Variants in MYH10 observed in about 807,000 individuals in gnomAD.
The protein encoded by MYH10 is myosin heavy chain 10.
In MYH10, 55 loss-of-function variants were observed where a neutral mutation model predicts 257.8. The ratio of observed to expected loss-of-function variants is 0.21; its 90% CI spans 0.17 to 0.27. The LOEUF is 0.27. Ranked by LOEUF, MYH10 falls within the 10% of genes least tolerant of loss-of-function variation. MYH10 has a pLI of 1.00. For synonymous variants in MYH10, 854 were observed against 921.7 expected (o/e 0.93, Z 1.33); for missense variants, 1,631 against 2,500.6 (o/e 0.65, Z 7.42).
intron 9 of MYH10, among the ~76,000 whole-genome samples, chr17:8,551,173 A>G (rs2082633059): frequency 6.6e-6 from 1 of 151,698 alleles, no homozygotes; most frequent in African/African-American, 2.4e-5. Context: ...AAAAAAAAAA[A>G]AAAGAATTTA....
At chr17:8,527,849 A>C (rs528460712) in intron 17 of MYH10, among the ~76,000 whole-genome samples, 1 of 152,208 alleles carries the variant, frequency 6.6e-6, no homozygotes, top group Non-Finnish European at 1.5e-5. Flanking sequence ...GCTAACACTC[A>C]AGATCAAAAA....
intron 41 of MYH10, 153 bp downstream of exon 41, chr17:8,478,179 GGGTACT>G (rs1415966885): frequency 4.7e-6 from 3 of 641,770 alleles, no homozygotes; most frequent in Admixed American, 2.7e-5. Flanking sequence ...CCTGTGTCTC[GGGTACT>G]GGGAGTGCCC....
At chr17:8,597,119 G>A in intron 3 of MYH10, among the ~76,000 whole-genome samples, 1 of 151,986 alleles carries the variant, frequency 6.6e-6, no homozygotes, top group East Asian at 1.9e-4. Context: ...TCCCCAAAAT[G>A]GGAAAAATAC....
chr17:8,518,996 G>A (rs773180940), intron 19 of MYH10, 46 bp from the exon 20 acceptor site: 3 of 1,430,772 alleles, frequency 2.1e-6, no homozygotes, highest in Non-Finnish European at 2.9e-6. Flanking sequence ...ATTTGTGAAC[G>A]ATGTGTATCT....
intron 1 of MYH10, among the ~76,000 whole-genome samples, chr17:8,628,574 G>A (rs2085772037): frequency 6.6e-6 from 1 of 152,134 alleles, no homozygotes; most frequent in African/African-American, 2.4e-5. Context: ...TACCATTGAG[G>A]TCACTTACAT....
chr17:8,549,089 T>C (rs1046709316), intron 9 of MYH10, among the ~76,000 whole-genome samples: 5 of 152,252 alleles, frequency 3.3e-5, no homozygotes, highest in Non-Finnish European at 5.9e-5. Context: ...TGATGTCAAT[T>C]GTCCAGATGA....
rs375250055 is a variant in MYH10 at position 8,495,133 on chromosome 17, A to G, written c.4056+4T>C. 1.8e-5 allele frequency: 28 copies of G among 1,552,458 alleles called. No individual in the cohort carries two copies. Among genetic ancestry groups the G allele is most frequent in the Non-Finnish European group, 2.4e-5 (27 of 1,124,076 alleles). On this transcript the variant is annotated splice_donor_region_variant and intron_variant, in intron 31 of 42. Coordinates refer to ENST00000360416, the MANE Select transcript of MYH10 (RefSeq NM_001256012.3). ...ATAAAGACCCCTTGCTCCCCAGGGA[A>G]TACCTGTGTATCCTGTAGTTGAGAC...
chr17:8,526,624 GC>G (rs2151914380), intron 17 of MYH10, among the ~76,000 whole-genome samples: 1 of 120,584 alleles, frequency 8.3e-6, no homozygotes, highest in Admixed American at 7.9e-5. Flanking sequence ...GGACATATTC[GC>G]ATAGCTTTAA....
Position 8,490,103 on chromosome 17 carries a change from G to C in MYH10, c.4884+237C>G. On this transcript the variant is annotated intron_variant, in intron 35 of 42. Transcript: ENST00000360416. This position sits in a 1 kb window ranked among gnomAD's most constrained non-coding sequence, Gnocchi z 4.1. ...TTTGGGAGTCCACTGAGGGCTTTCT[G>C]ACTGATAAGTGTCTGGCTTGTAGGC... 1 of 432,588 alleles carries C rather than the reference G, an allele frequency of 2.3e-6. No individual in the cohort carries two copies. The highest frequency in any genetic ancestry group is 2.7e-5 in the South Asian group (1 of 37,600). The allele number at this position is 432,588 out of a possible 1,614,324, so 26.8% of individuals were successfully genotyped here.
chr17:8,603,699 C>A (rs1211295573), intron 3 of MYH10, among the ~76,000 whole-genome samples: 2 of 152,120 alleles, frequency 1.3e-5, no homozygotes, highest in African/African-American at 2.4e-5. Flanking sequence ...GATGATTCTT[C>A]ATTCTCCATC....
At chr17:8,624,302 G>A (rs1948586601) in intron 1 of MYH10, among the ~76,000 whole-genome samples, 1 of 152,118 alleles carries the variant, frequency 6.6e-6, no homozygotes, top group Non-Finnish European at 1.5e-5. Context: ...CCAAATGGCA[G>A]GATTTTACAT....
At chr17:8,606,995 T>C (rs2084836968) in intron 2 of MYH10, among the ~76,000 whole-genome samples, 1 of 152,170 alleles carries the variant, frequency 6.6e-6, no homozygotes, top group Admixed American at 6.5e-5. Context: ...CCCGTATTTC[T>C]TTGCTGCCCA....
intron 17 of MYH10, among the ~76,000 whole-genome samples, chr17:8,529,186 G>A (rs775433223): frequency 6.6e-6 from 1 of 151,998 alleles, no homozygotes; most frequent in Non-Finnish European, 1.5e-5. Flanking sequence ...AATGGAAGGC[G>A]AAGCTGCTGG....
chr17:8,569,662 A>G lies in MYH10; in HGVS notation c.756+58T>C. The G allele has an allele frequency of 2.4e-6, 3 of 1,229,708 alleles. No homozygotes were observed. The highest frequency in any genetic ancestry group is 3.5e-6 in the Non-Finnish European group (3 of 866,264). The allele number at this position is 1,229,708 out of a possible 1,614,324, so 76.2% of individuals were successfully genotyped here. A position where few individuals can be genotyped will look rare whatever the true frequency, so the allele number is the denominator to read the frequency against. On this transcript the variant is annotated intron_variant, in intron 7 of 42. Transcript: ENST00000360416. The surrounding 1 kb of genome is among the most constrained non-coding windows in gnomAD (Gnocchi z 4.1). ...AAAAGTAATTCATTTGCTTAATCAC[A>G]GTAAACATTTAACTAGAAATCTAAG...
In MYH10 at chr17:8,499,439, T is replaced by A; in HGVS notation, c.3782A>T (p.Glu1261Val). 1 of 1,614,160 alleles carries A rather than the reference T, an allele frequency of 6.2e-7. No individual in the cohort carries two copies. The highest frequency in any genetic ancestry group is 1.1e-5 in the South Asian group (1 of 91,078). Residue 1261 changes from glutamate to valine, a missense_variant, in exon 30 of 43, where the codon GAG becomes GTG. This residue lies in a region of MYH10 where 463 missense variants were observed against 621.8 expected (regional missense o/e 0.74). Transcript: ENST00000360416. Reference sequence around the variant, plus strand: ...ACACGCCAGCTCCTTGTTATCTGTCTCCAGGCCCTGCTTGTTCTTCTCTAG... The same window carrying A: ...ACACGCCAGCTCCTTGTTATCTGTCACCAGGCCCTGCTTGTTCTTCTCTAG... The part of the protein sequence containing the change: ...ANLEKNKQGL[E>V]TDNKELACEV...
At chr17:8,614,365 G>GAGTGGTGC (rs2085169291) in intron 2 of MYH10, among the ~76,000 whole-genome samples, 1 of 131,458 alleles carries the variant, frequency 7.6e-6, no homozygotes, top group African/African-American at 3.1e-5. Context: ...GTTCAAGCTG[G>GAGTGGTGC]AGTGGTGCAG....
chr17:8,587,777 C>A (rs756496327), intron 4 of MYH10, among the ~76,000 whole-genome samples: 2 of 152,220 alleles, frequency 1.3e-5, no homozygotes, highest in Admixed American at 6.5e-5. Context: ...TGATCTCTTA[C>A]CACCACTCAA....
intron 3 of MYH10, among the ~76,000 whole-genome samples, chr17:8,604,521 TATA>T (rs1424230587): frequency 5.3e-5 from 8 of 152,212 alleles, no homozygotes; most frequent in Non-Finnish European, 1.2e-4. Flanking sequence ...TAAAACCTAA[TATA>T]ATGAGCTTTG....
intron 34 of MYH10, among the ~76,000 whole-genome samples, chr17:8,491,398 G>A (rs539230461): frequency 6.6e-6 from 1 of 152,294 alleles, no homozygotes. Context: ...TACTTTCAGT[G>A]GCCTCTTTTT....
Sources: allele counts gnomAD v4.1 joint callset (sites outside exome capture counted in the v4.1 genomes callset), GRCh38; gene constraint gnomAD v4.1.1; regional missense constraint gnomAD v4.1.1; non-coding constraint Gnocchi (gnomAD v3.1); transcripts MANE v1.5; gene names NCBI Gene and HGNC (gene_info 2026-07-23, HGNC 2026-07-21).